The following VPS33A variants were observed in gnomAD, a reference collection of about 807,000 sequenced individuals.
The protein encoded by VPS33A is VPS33A core subunit of CORVET and HOPS complexes.
A neutral mutation model predicts 71.8 loss-of-function variants in VPS33A; 32 were observed. That is an observed-to-expected ratio of 0.45 (90% CI 0.34 to 0.60). The LOEUF (loss-of-function observed/expected upper bound fraction) is 0.60. VPS33A is among the 20% of genes least tolerant of loss of function. The pLI is 0.02. For synonymous variants in VPS33A, 311 were observed against 292.7 expected (o/e 1.06, Z -0.64); for missense variants, 625 against 748.5 (o/e 0.84, Z 1.92).
intron 4 of VPS33A, 104 bp downstream of exon 4, chr12:122,261,157 A>T: frequency 1.0e-6 from 1 of 959,768 alleles, no homozygotes; most frequent in Non-Finnish European, 1.5e-6. Context: ...ATCAATAAAC[A>T]TATAAAATGG....
intron 4 of VPS33A, among the ~76,000 whole-genome samples, chr12:122,256,735 G>C (rs1954923952): frequency 6.6e-6 from 1 of 152,122 alleles, no homozygotes; most frequent in Non-Finnish European, 1.5e-5. Context: ...CAAAAGAAAT[G>C]ACAAAGGCGA....
rs1372538216 is a variant in VPS33A, at chr12:122,244,594, G to C, written c.944C>G (p.Ala315Gly). Residue 315 changes from alanine to glycine, a missense_variant, in exon 7 of 13, where the codon GCA becomes GGA. By Grantham distance (60) the Ala-to-Gly change is moderately conservative. Transcript: ENST00000267199. ...NAVGSVLSKK[A>G]KIISAAFEER... ...CTCGAATGCTGCAGAGATGATCTTT[G>C]CTTTCTTGCTGAGCACAGAGCCAAC... is the stretch of plus-strand genomic sequence containing the variant. 6.2e-7 allele frequency: 1 copy of C among 1,608,568 alleles called. No individual in the cohort carries two copies. Among genetic ancestry groups the C allele is most frequent in the East Asian group, 2.2e-5 (1 of 44,742 alleles).
chr12:122,256,019 C>T (rs992763105), intron 4 of VPS33A, among the ~76,000 whole-genome samples: 1 of 152,098 alleles, frequency 6.6e-6, no homozygotes, highest in African/African-American at 2.4e-5. Context: ...TGGTCTCGAA[C>T]TCCTGGCCTT....
chr12:122,261,156 CAT>C, intron 4 of VPS33A, 103 bp downstream of exon 4: 1 of 942,214 alleles, frequency 1.1e-6, no homozygotes, highest in Non-Finnish European at 1.5e-6. Flanking sequence ...CATCAATAAA[CAT>C]ATAAAATGGG....
intron 1 of VPS33A, 27 bp from the exon 2 acceptor site, chr12:122,264,226 A>G (rs1955037145): frequency 6.8e-7 from 1 of 1,479,248 alleles, no homozygotes; most frequent in South Asian, 1.4e-5. Context: ...ACATTCTCTT[A>G]TTATAGTTAA....
chr12:122,233,707 AAAC>A (rs1159547832), intron 11 of VPS33A, among the ~76,000 whole-genome samples: 1 of 152,254 alleles, frequency 6.6e-6, no homozygotes, highest in African/African-American at 2.4e-5. Context: ...TAAAGACTGG[AAAC>A]AACCTGAATT....
At chr12:122,265,710 G>A (rs113058006) in intron 1 of VPS33A, 5 of 454,514 alleles carry the variant, frequency 1.1e-5, no homozygotes, top group African/African-American at 2.0e-5. Flanking sequence ...CAGTAACTTA[G>A]GGTGACTGAT....
chr12:122,232,261 C>T lies in VPS33A; in HGVS notation c.1776G>A (p.Met592Ile), dbSNP rs1954572244. ...MNGTSWIEAL[M>I]EKPF ...TCTGAACATCCTAGAAAGGTTTTTCCATCAGAGCCTCTATCCAACTGGTTC... is the reference window on the plus strand; with the variant it reads ...TCTGAACATCCTAGAAAGGTTTTTCTATCAGAGCCTCTATCCAACTGGTTC... Residue 592 changes from methionine to isoleucine, a missense_variant, in exon 13 of 13, where the codon ATG becomes ATA. Transcript: ENST00000267199. 4 of 1,609,990 alleles carry T rather than the reference C, an allele frequency of 2.5e-6. No homozygotes were observed. In the South Asian group the frequency reaches 3.3e-5, roughly 13 times the overall value.
chr12:122,243,788 G>T (rs1954743682), intron 7 of VPS33A, among the ~76,000 whole-genome samples: 1 of 152,102 alleles, frequency 6.6e-6, no homozygotes, highest in Non-Finnish European at 1.5e-5. Context: ...AGGCATGATG[G>T]CATGTGCCTG....
chr12:122,244,780 G>A lies in VPS33A; in HGVS notation c.776-18C>T. On this transcript the variant is annotated intron_variant, in intron 6 of 12. Coordinates refer to ENST00000267199, the MANE Select transcript of VPS33A (RefSeq NM_022916.6). ...CACATAACCTGAGCAGCAGTGGAAG[G>A]GAATAAGCACCTGTGTGCAATGACT... 6.3e-7 allele frequency: 1 copy of A among 1,599,654 alleles called. No homozygotes were observed. Among genetic ancestry groups the A allele is most frequent in the Non-Finnish European group, 8.6e-7 (1 of 1,169,120 alleles).
At chr12:122,235,991 G>C in intron 10 of VPS33A, 68 bp from the exon 11 acceptor site, 1 of 1,541,178 alleles carries the variant, frequency 6.5e-7, no homozygotes. Context: ...TCAAAGAAGG[G>C]CACTTCCAAC....
chr12:122,247,939 C>T (rs563090563), intron 6 of VPS33A, among the ~76,000 whole-genome samples: 7 of 152,212 alleles, frequency 4.6e-5, no homozygotes, highest in East Asian at 3.9e-4. Context: ...CTCTGTCACC[C>T]GGGCTGGAGT....
At chr12:122,249,755 A>T in intron 6 of VPS33A, 116 bp downstream of exon 6, 1 of 1,066,132 alleles carries the variant, frequency 9.4e-7, no homozygotes, top group Non-Finnish European at 1.3e-6. Flanking sequence ...CTGAATCATT[A>T]AAATCGGATC....
intron 9 of VPS33A, among the ~76,000 whole-genome samples, chr12:122,239,300 T>C (rs182515291): frequency 6.6e-6 from 1 of 152,248 alleles, no homozygotes; most frequent in South Asian, 2.1e-4. Flanking sequence ...AAATACCTTA[T>C]CTAATACAGT....
intron 8 of VPS33A, among the ~76,000 whole-genome samples, 175 bp from the exon 9 acceptor site, chr12:122,240,120 G>C (rs950823186): frequency 2.6e-5 from 4 of 152,054 alleles, no homozygotes; most frequent in Non-Finnish European, 4.4e-5. Context: ...TTCAGGCCAG[G>C]AGTTCAAGAC....
Position 122,261,394 on chromosome 12 carries a change from C to T in VPS33A, c.350G>A (p.Arg117His), listed in dbSNP as rs1251530262. 4 of 1,613,792 alleles carry T rather than the reference C, an allele frequency of 2.5e-6. No homozygotes were observed. The highest frequency in any genetic ancestry group is 1.7e-5 in the Admixed American group (1 of 59,860). ...CAACCGCTGTTCGCACAACAGGCTACGGCGTGGCACAAACAGAATATGAAA... is the reference window on the plus strand; with the variant it reads ...CAACCGCTGTTCGCACAACAGGCTATGGCGTGGCACAAACAGAATATGAAA... ...RDFHILFVPR[R>H]SLLCEQRLKD... Residue 117 changes from arginine (R) to histidine (H), a missense_variant, in exon 4 of 13, where the codon CGT becomes CAT. Coordinates refer to ENST00000267199, the MANE Select transcript of VPS33A (RefSeq NM_022916.6).
intron 4 of VPS33A, among the ~76,000 whole-genome samples, 175 bp from the exon 5 acceptor site, chr12:122,251,274 G>A (rs758210858): frequency 2.0e-5 from 3 of 152,374 alleles, no homozygotes; most frequent in South Asian, 2.1e-4. Flanking sequence ...TGTCAGACCA[G>A]GCGCTGAGGC....
chr12:122,235,872 G>A lies in VPS33A; in HGVS notation c.1354C>T (p.Leu452=), dbSNP rs777847421. 17 of 1,613,752 alleles carry A rather than the reference G, an allele frequency of 1.1e-5. No individual in the cohort carries two copies. The highest frequency in any genetic ancestry group is 1.4e-5 in the Non-Finnish European group (17 of 1,179,882). ...LTLHNLEKAG[L]LKPQTGGRNN... Reference sequence around the variant, plus strand: ...CTGCCCCCCGTCTGCGGTTTCAGCAGGCCGGCCTTCTCCAGGTTGTGTAAG... The same window carrying A: ...CTGCCCCCCGTCTGCGGTTTCAGCAAGCCGGCCTTCTCCAGGTTGTGTAAG... Residue 452 remains leucine (L), a synonymous_variant, in exon 11 of 13, where the codon CTG becomes TTG. Transcript: ENST00000267199.
At chr12:122,251,182 A>G (rs915438181) in intron 4 of VPS33A, 83 bp from the exon 5 acceptor site, 3 of 883,878 alleles carry the variant, frequency 3.4e-6, no homozygotes, top group Non-Finnish European at 5.4e-6. Flanking sequence ...GGGTGCAGCG[A>G]CAGACAATAA....
Sources: gnomAD v4.1 joint callset for allele counts (sites outside exome capture counted in the v4.1 genomes callset) on GRCh38, gnomAD v4.1.1 for gene constraint, MANE v1.5 for transcripts, NCBI Gene and HGNC (gene_info 2026-07-23, HGNC 2026-07-21) for gene names.